Variants in NLGN1 observed in about 807,000 individuals in gnomAD.
NLGN1 encodes the protein neuroligin 1.
A neutral mutation model predicts 65.5 loss-of-function variants in NLGN1; 12 were observed. The ratio of observed to expected loss-of-function variants is 0.18; its 90% CI spans 0.12 to 0.30. The LOEUF is 0.30. Among genes scored for constraint, NLGN1 ranks in the 10% least tolerant of loss-of-function variants. The pLI is 1.00. For synonymous variants in NLGN1, 350 were observed against 359.5 expected (o/e 0.97, Z 0.30); for missense variants, 750 against 1,007.1 (o/e 0.74, Z 3.46).
chr3:173,517,791 TATC>T (rs1734076342), intron 2 of NLGN1, among the ~76,000 whole-genome samples: 4 of 150,898 alleles, frequency 2.7e-5, no homozygotes, highest in African/African-American at 4.9e-5. Flanking sequence ...TCTATCTATC[TATC>T]TATCTATCAT....
intron 3 of NLGN1, among the ~76,000 whole-genome samples, chr3:173,803,671 A>G (rs1191578874): frequency 6.6e-6 from 1 of 152,078 alleles, no homozygotes; most frequent in African/African-American, 2.4e-5. Flanking sequence ...GTAGATTTTG[A>G]ATATTTTTAA....
At chr3:173,544,601 T>C (rs772627060) in intron 2 of NLGN1, among the ~76,000 whole-genome samples, 21 of 151,982 alleles carry the variant, frequency 1.4e-4, no homozygotes, top group Non-Finnish European at 2.5e-4. Flanking sequence ...TTGAGATACA[T>C]TGAGTTTGAA....
intron 2 of NLGN1, among the ~76,000 whole-genome samples, chr3:173,536,058 G>A (rs1737380406): frequency 6.6e-6 from 1 of 152,180 alleles, no homozygotes. Context: ...AAACCAAGTT[G>A]CCTCTTGGAT....
chr3:173,568,900 G>A (rs1465362619), intron 2 of NLGN1, among the ~76,000 whole-genome samples: 5 of 152,084 alleles, frequency 3.3e-5, no homozygotes, highest in Middle Eastern at 3.4e-3. Context: ...GGGTGGTCTC[G>A]AACTCCTGAC....
At chr3:174,197,243 C>T (rs1733594760) in intron 4 of NLGN1, among the ~76,000 whole-genome samples, 1 of 151,984 alleles carries the variant, frequency 6.6e-6, no homozygotes, top group South Asian at 2.1e-4. Flanking sequence ...TAGAAGACAA[C>T]TCTGACTATC....
At chr3:173,454,348 A>G (rs1461598005) in intron 2 of NLGN1, among the ~76,000 whole-genome samples, 1 of 152,208 alleles carries the variant, frequency 6.6e-6, no homozygotes, top group Non-Finnish European at 1.5e-5. Flanking sequence ...GCCCTTAACA[A>G]GAGAGTCAGT....
chr3:173,584,951 G>A (rs1211003683), intron 2 of NLGN1: 1 of 152,188 alleles, frequency 6.6e-6, no homozygotes, highest in Non-Finnish European at 1.5e-5. Flanking sequence ...ACGGCGAAGT[G>A]TTGTAGAGAC....
At chr3:173,639,075 C>T (rs925576878) in intron 3 of NLGN1, among the ~76,000 whole-genome samples, 3 of 152,188 alleles carry the variant, frequency 2.0e-5, no homozygotes, top group African/African-American at 7.2e-5. Flanking sequence ...TACTGTTGGG[C>T]ATGAATCTTT....
At chr3:173,539,939 G>GTA (rs1329653035) in intron 2 of NLGN1, among the ~76,000 whole-genome samples, 7 of 147,278 alleles carry the variant, frequency 4.8e-5, no homozygotes, top group East Asian at 2.0e-4. Flanking sequence ...GTGTGTGTGT[G>GTA]TATATATATC....
intron 4 of NLGN1, among the ~76,000 whole-genome samples, chr3:174,162,411 T>C (rs1726724767): frequency 6.6e-6 from 1 of 151,868 alleles, no homozygotes; most frequent in Admixed American, 6.6e-5. Flanking sequence ...CTCTCACTAA[T>C]CAGAAACTAT....
intron 4 of NLGN1, among the ~76,000 whole-genome samples, chr3:174,174,343 T>G (rs113194366): frequency 0.015 from 2,288 of 152,212 alleles, 56 homozygotes; most frequent in African/African-American, 0.052. Flanking sequence ...TACCCAGTAG[T>G]GGGATTGCTG....
chr3:173,828,849 G>A (rs192269244), intron 4 of NLGN1, among the ~76,000 whole-genome samples: 4 of 152,232 alleles, frequency 2.6e-5, no homozygotes, highest in Admixed American at 6.6e-5. Context: ...AACTTGGCCT[G>A]TAAATGAGAT....
intron 4 of NLGN1, among the ~76,000 whole-genome samples, chr3:174,095,026 C>A (rs748997705): frequency 6.6e-6 from 1 of 151,912 alleles, no homozygotes; most frequent in Non-Finnish European, 1.5e-5. Flanking sequence ...TTTTGGGCAC[C>A]TTTTTCAGGG....
chr3:174,219,872 G>A (rs1666468837), intron 4 of NLGN1, among the ~76,000 whole-genome samples: 1 of 152,166 alleles, frequency 6.6e-6, no homozygotes, highest in Non-Finnish European at 1.5e-5. Flanking sequence ...CAGAAAATAA[G>A]CAAGATTGCG....
At chr3:173,962,464 T>C (rs1579440803) in intron 4 of NLGN1, among the ~76,000 whole-genome samples, 1 of 152,256 alleles carries the variant, frequency 6.6e-6, no homozygotes, top group South Asian at 2.1e-4. Context: ...TACTCTACCA[T>C]GGACTGTCAC....
intron 4 of NLGN1, among the ~76,000 whole-genome samples, chr3:174,120,319 C>G (rs1717485725): frequency 6.6e-6 from 1 of 151,394 alleles, no homozygotes; most frequent in Non-Finnish European, 1.5e-5. Context: ...AGCCCCATCT[C>G]TACTATAAAT....
chr3:174,238,122 C>T (rs1226485494), intron 4 of NLGN1, among the ~76,000 whole-genome samples: 1 of 152,024 alleles, frequency 6.6e-6, no homozygotes, highest in African/African-American at 2.4e-5. Context: ...TTCTTTTCAC[C>T]TCTATACTCA....
chr3:173,685,395 A>G (rs1764538561), intron 3 of NLGN1, among the ~76,000 whole-genome samples: 1 of 152,194 alleles, frequency 6.6e-6, no homozygotes, highest in Admixed American at 6.5e-5. Context: ...ATTAAGAGCT[A>G]AACGTGTTTT....
intron 4 of NLGN1, among the ~76,000 whole-genome samples, chr3:173,978,126 C>A (rs1579535462): frequency 6.6e-6 from 1 of 152,154 alleles, no homozygotes; most frequent in Admixed American, 6.6e-5. Context: ...TCACAAGGAA[C>A]AAATAAATGG....
Sources: gnomAD v4.1 joint callset for allele counts (sites outside exome capture counted in the v4.1 genomes callset) on GRCh38, gnomAD v4.1.1 for gene constraint, MANE v1.5 for transcripts, NCBI Gene and HGNC (gene_info 2026-07-23, HGNC 2026-07-21) for gene names.